The following TMEM217B variants were observed in gnomAD, a reference collection of about 807,000 sequenced individuals.
TMEM217B encodes the protein transmembrane protein 217B.
chr6:37,232,008 G>A, the TMEM217B span, among the ~76,000 whole-genome samples: 69 of 152,058 alleles, frequency 4.5e-4, 1 homozygote, highest in South Asian at 0.012. Flanking sequence ...TGCATGAATC[G>A]AATTATCTGC....
chr6:37,241,107 T>TTG, the TMEM217B span, among the ~76,000 whole-genome samples: 1 of 151,386 alleles, frequency 6.6e-6, no homozygotes, highest in East Asian at 1.9e-4. Flanking sequence ...CTCTTTTTTT[T>TTG]TTTTTTTTTG....
the TMEM217B span, among the ~76,000 whole-genome samples, chr6:37,253,897 C>T: frequency 0.18 from 27,887 of 152,102 alleles, 2,735 homozygotes; most frequent in Non-Finnish European, 0.21. Context: ...ATATGCCTAC[C>T]TCTTTTGAGT....
At chr6:37,241,147 G>A in the TMEM217B span, among the ~76,000 whole-genome samples, 2 of 144,894 alleles carry the variant, frequency 1.4e-5, no homozygotes, top group African/African-American at 2.6e-5. Flanking sequence ...CTCCCAGGCT[G>A]GAGTGTAGTG....
the TMEM217B span, among the ~76,000 whole-genome samples, chr6:37,234,163 GAT>G: frequency 6.0e-5 from 9 of 149,230 alleles, no homozygotes; most frequent in South Asian, 1.9e-3. Context: ...GCAGTGGTGT[GAT>G]CTTGGCTCAC....
At chr6:37,230,951 GT>G in the TMEM217B span, among the ~76,000 whole-genome samples, 17 of 152,208 alleles carry the variant, frequency 1.1e-4, no homozygotes, top group African/African-American at 4.1e-4. Flanking sequence ...GTTATTGTTT[GT>G]TTTTGTTGTT....
the TMEM217B span, among the ~76,000 whole-genome samples, chr6:37,225,890 T>C: frequency 1.3e-5 from 2 of 152,182 alleles, no homozygotes; most frequent in Non-Finnish European, 2.9e-5. Context: ...CCTTTCCCCC[T>C]TCCTGTTTTT....
chr6:37,243,545 A>T, the TMEM217B span, among the ~76,000 whole-genome samples: 3 of 152,104 alleles, frequency 2.0e-5, no homozygotes, highest in African/African-American at 7.2e-5. Context: ...ATCATATGGG[A>T]TATGGAGTTA....
At chr6:37,251,119 C>T in the TMEM217B span, among the ~76,000 whole-genome samples, 5 of 152,210 alleles carry the variant, frequency 3.3e-5, no homozygotes, top group African/African-American at 1.2e-4. Context: ...TGATCTTGTA[C>T]TTCCTAGCCT....
At chr6:37,217,572 A>G in the TMEM217B span, 2 of 908,790 alleles carry the variant, frequency 2.2e-6, no homozygotes, top group South Asian at 1.0e-4. Context: ...ATCTTTGATT[A>G]AGGAAGTGCC....
chr6:37,217,845 C>G, the TMEM217B span: 8 of 985,356 alleles, frequency 8.1e-6, no homozygotes, highest in African/African-American at 1.4e-4. Flanking sequence ...AAAAGGATTG[C>G]CCTACTGCAA....
the TMEM217B span, among the ~76,000 whole-genome samples, chr6:37,255,063 A>G: frequency 6.6e-6 from 1 of 152,080 alleles, no homozygotes; most frequent in Non-Finnish European, 1.5e-5. Context: ...CCCACCCGCC[A>G]CTCACCTCCT....
the TMEM217B span, chr6:37,257,625 C>T: frequency 4.6e-6 from 2 of 432,332 alleles, no homozygotes; most frequent in South Asian, 6.7e-5. Flanking sequence ...CTCGTCCAAG[C>T]TCCGCCTTCC....
chr6:37,213,297 G>A, the TMEM217B span, among the ~76,000 whole-genome samples: 1 of 152,230 alleles, frequency 6.6e-6, no homozygotes, highest in Non-Finnish European at 1.5e-5. Context: ...TGTTGATGTA[G>A]GTTTGTGGGA....
chr6:37,212,326 G>A, the TMEM217B span: 1 of 355,370 alleles, frequency 2.8e-6, no homozygotes, highest in African/African-American at 2.1e-5. Flanking sequence ...GACAAACCAA[G>A]CAGCATCAAC....
chr6:37,249,403 T>A, the TMEM217B span, among the ~76,000 whole-genome samples: 12 of 152,140 alleles, frequency 7.9e-5, no homozygotes, highest in Admixed American at 5.9e-4. Flanking sequence ...CACTGCAACC[T>A]CCACTTTCCA....
the TMEM217B span, among the ~76,000 whole-genome samples, chr6:37,232,076 T>C: frequency 5.3e-5 from 8 of 152,170 alleles, no homozygotes; most frequent in African/African-American, 1.9e-4. Context: ...AGGTATTTTC[T>C]TTTTTGCTTG....
chr6:37,238,117 G>T, the TMEM217B span, among the ~76,000 whole-genome samples: 4 of 151,120 alleles, frequency 2.6e-5, no homozygotes, highest in Non-Finnish European at 5.9e-5. Context: ...CATGAACCAG[G>T]GATTATGATC....
At chr6:37,235,754 A>G in the TMEM217B span, among the ~76,000 whole-genome samples, 1 of 152,224 alleles carries the variant, frequency 6.6e-6, no homozygotes, top group Non-Finnish European at 1.5e-5. Flanking sequence ...TCTGCTTCCA[A>G]GATGACGCCT....
chr6:37,229,343 T>TTTTG, the TMEM217B span, among the ~76,000 whole-genome samples: 25 of 126,640 alleles, frequency 2.0e-4, no homozygotes, highest in Non-Finnish European at 3.5e-4. Flanking sequence ...CAGTTTTTTT[T>TTTTG]TTTTTTTTTT....
Sources: allele counts gnomAD v4.1 joint callset (sites outside exome capture counted in the v4.1 genomes callset), GRCh38; gene constraint gnomAD v4.1.1; transcripts MANE v1.5; gene names NCBI Gene and HGNC (gene_info 2026-07-23, HGNC 2026-07-21).